GPRIN3: variants seen among roughly 807,000 people sequenced by gnomAD.
GPRIN3 encodes G protein-regulated inducer of neurite outgrowth 3.
A neutral mutation model predicts 13.7 loss-of-function variants in GPRIN3; 12 were observed. That is an observed-to-expected ratio of 0.87 (90% CI 0.56 to 1.42). GPRIN3 has a LOEUF of 1.42. Among genes scored for constraint, GPRIN3 ranks in the 40% most tolerant of loss-of-function variants. The probability of loss-of-function intolerance (pLI) is 0.00; values close to 1 mark genes in which losing one functional copy is unlikely to be tolerated. For synonymous variants in GPRIN3, 377 were observed against 372.7 expected, an observed-to-expected ratio of 1.01 and a Z score of -0.13; for missense variants, 1,009 against 958.7, an observed-to-expected ratio of 1.05 and a Z score of -0.69.
intron 1 of GPRIN3, among the ~76,000 whole-genome samples, chr4:89,257,877 T>C (rs909612468): frequency 2.0e-5 from 3 of 152,078 alleles, no homozygotes; most frequent in African/African-American, 7.2e-5. Context: ...ACAGAAATCT[T>C]CATAATGATT....
At chr4:89,299,239 G>A (rs1213461784) in intron 1 of GPRIN3, among the ~76,000 whole-genome samples, 1 of 152,102 alleles carries the variant, frequency 6.6e-6, no homozygotes, top group Non-Finnish European at 1.5e-5. Context: ...ATGTGGCACT[G>A]TGTCCTCTGT....
chr4:89,284,102 C>A (rs12640416), intron 1 of GPRIN3, among the ~76,000 whole-genome samples: 70,181 of 152,062 alleles, frequency 0.46, 19,324 homozygotes, highest in Non-Finnish European at 0.6. Context: ...CAGATGGTAT[C>A]ACAGGGTACC....
chr4:89,236,742 C>T lies in GPRIN3; in HGVS notation c.*11038G>A, dbSNP rs1722803126. ...GAACCCAGGGTCCTTTGATTCCAAG[C>T]CCAGATATTTACCACAATATCTCTG... On this transcript the variant is annotated 3_prime_UTR_variant, in exon 2 of 2. Coordinates refer to ENST00000609438, the MANE Select transcript of GPRIN3 (RefSeq NM_198281.3). The T allele has an allele frequency of 6.6e-6, 1 of 152,110 alleles. No individual in the cohort carries two copies. The highest frequency in any genetic ancestry group is 2.4e-5 in the African/African-American group (1 of 41,404). The allele number at this position is 152,110 out of a possible 1,614,324, so 9.4% of individuals were successfully genotyped here. A position where few individuals can be genotyped will look rare whatever the true frequency, so the allele number is the denominator to read the frequency against.
intron 1 of GPRIN3, among the ~76,000 whole-genome samples, chr4:89,282,036 C>T (rs1724266679): frequency 6.6e-6 from 1 of 151,246 alleles, no homozygotes; most frequent in Non-Finnish European, 1.5e-5. Context: ...TCTCAGTATC[C>T]TGCATGGTGC....
At chr4:89,277,224 G>T (rs1724118949) in intron 1 of GPRIN3, among the ~76,000 whole-genome samples, 1 of 152,124 alleles carries the variant, frequency 6.6e-6, no homozygotes, top group Non-Finnish European at 1.5e-5. Flanking sequence ...GGCCCAAATG[G>T]TAACCATAGT....
At chr4:89,262,125 C>CAAAAA (rs61290252) in intron 1 of GPRIN3, among the ~76,000 whole-genome samples, 1 of 53,816 alleles carries the variant, frequency 1.9e-5, no homozygotes, top group Non-Finnish European at 4.4e-5. Context: ...GACCCAGTCT[C>CAAAAA]AAAAAAAAAA....
At chr4:89,301,901 C>A in intron 1 of GPRIN3, among the ~76,000 whole-genome samples, 1 of 152,176 alleles carries the variant, frequency 6.6e-6, no homozygotes, top group East Asian at 1.9e-4. Context: ...CTCTTCCAGC[C>A]TCCAGAATTT....
At chr4:89,277,009 C>CT (rs199855623) in intron 1 of GPRIN3, among the ~76,000 whole-genome samples, 4 of 151,462 alleles carry the variant, frequency 2.6e-5, no homozygotes, top group East Asian at 1.9e-4. Context: ...ATTTTAATGT[C>CT]TTTTTTTTTC....
intron 1 of GPRIN3, among the ~76,000 whole-genome samples, chr4:89,261,914 C>T (rs536708768): frequency 1.3e-5 from 2 of 151,956 alleles, no homozygotes; most frequent in South Asian, 4.2e-4. Flanking sequence ...GAGTTCAAGA[C>T]CAGCCTGGGC....
chr4:89,248,318 TG>T lies in GPRIN3; in HGVS notation c.1792del (p.Gln598ArgfsTer8). The T allele has an allele frequency of 6.2e-7, 1 of 1,614,176 alleles. No homozygotes were observed. Among genetic ancestry groups the T allele is most frequent in the Non-Finnish European group, 8.5e-7 (1 of 1,180,010 alleles). ...NQESTLEENRQTKTATSLSLP... is the reference protein window; with the variant it reads ...NQESTLEENRXTKTATSLSLP... Reference sequence around the variant, plus strand: ...GCTCAGGCTGGTGGCTGTCTTGGTCTGTCTGTTTTCTTCTAAGGTGCTCTCC... The same window carrying T: ...GCTCAGGCTGGTGGCTGTCTTGGTCTTCTGTTTTCTTCTAAGGTGCTCTCC... On this transcript the variant is annotated frameshift_variant, in exon 2 of 2. Transcript: ENST00000609438. LOFTEE classifies it high-confidence loss of function.
intron 1 of GPRIN3, among the ~76,000 whole-genome samples, chr4:89,306,154 A>C (rs1725028017): frequency 6.6e-6 from 1 of 152,182 alleles, no homozygotes; most frequent in Non-Finnish European, 1.5e-5. Context: ...GAAAAAGAAC[A>C]TTCTCTAACG....
rs1722998327 is a variant in GPRIN3 at position 89,243,411 on chromosome 4, G to A, written c.*4369C>T. On this transcript the variant is annotated 3_prime_UTR_variant, in exon 2 of 2. Coordinates refer to ENST00000609438, the MANE Select transcript of GPRIN3 (RefSeq NM_198281.3). ...GCATATCCTCTGTTATTTGCCAGGT[G>A]GCAGCAGCTGACCCGAATTTGGAGA... 1 of 152,158 alleles carries A rather than the reference G, an allele frequency of 6.6e-6. No homozygotes were observed. Among genetic ancestry groups the A allele is most frequent in the Non-Finnish European group, 1.5e-5 (1 of 68,026 alleles). 9.4% of individuals were successfully genotyped at this position (152,158 alleles called of 1,614,324 possible). A position where few individuals can be genotyped will look rare whatever the true frequency, so the allele number is the denominator to read the frequency against.
intron 1 of GPRIN3, among the ~76,000 whole-genome samples, chr4:89,283,512 G>T (rs1724313305): frequency 6.6e-6 from 1 of 152,154 alleles, no homozygotes; most frequent in Admixed American, 6.5e-5. Flanking sequence ...AAGGTGGGTG[G>T]AATCTGCCAG....
At chr4:89,257,084 G>A (rs1723487993) in intron 1 of GPRIN3, among the ~76,000 whole-genome samples, 1 of 152,162 alleles carries the variant, frequency 6.6e-6, no homozygotes, top group African/African-American at 2.4e-5. Context: ...GAAGACATTA[G>A]CTGAAAAATT....
chr4:89,263,847 C>T (rs1164771422), intron 1 of GPRIN3, among the ~76,000 whole-genome samples: 2 of 152,126 alleles, frequency 1.3e-5, no homozygotes, highest in African/African-American at 4.8e-5. Flanking sequence ...AATTCAAAAC[C>T]AAGTCTGACT....
chr4:89,253,016 G>GAAAA (rs11408492), intron 1 of GPRIN3, among the ~76,000 whole-genome samples: 3 of 124,078 alleles, frequency 2.4e-5, no homozygotes, highest in African/African-American at 8.9e-5. Context: ...TCTCAAAAAA[G>GAAAA]AAAAAAAAAA....
chr4:89,299,449 C>G (rs1233990496), intron 1 of GPRIN3, among the ~76,000 whole-genome samples: 1 of 152,108 alleles, frequency 6.6e-6, no homozygotes, highest in Non-Finnish European at 1.5e-5. Flanking sequence ...GATTTCAGAG[C>G]GCTATGAAGA....
At chr4:89,254,128 G>GGTGTGTGTGTGTGTGTGTGTGTGTGT (rs57642647) in intron 1 of GPRIN3, among the ~76,000 whole-genome samples, 35 of 147,748 alleles carry the variant, frequency 2.4e-4, no homozygotes, top group South Asian at 6.6e-4. Context: ...GTTGCATCTG[G>GGTGTGTGTGTGTGTGTGTGTGTGTGT]GTGTGTGTGT....
intron 1 of GPRIN3, among the ~76,000 whole-genome samples, chr4:89,259,583 G>T (rs1160861608): frequency 6.6e-6 from 1 of 152,172 alleles, no homozygotes; most frequent in African/African-American, 2.4e-5. Flanking sequence ...TTTTCTACAG[G>T]ATATATTTAG....
Sources: allele counts gnomAD v4.1 joint callset (sites outside exome capture counted in the v4.1 genomes callset), GRCh38; gene constraint gnomAD v4.1.1; transcripts MANE v1.5; gene names NCBI Gene and HGNC (gene_info 2026-07-23, HGNC 2026-07-21).